RDH13: variants seen among roughly 807,000 people sequenced by gnomAD.
RDH13 encodes the protein retinol dehydrogenase 13, also known as retinol dehydrogenase 13 (all-trans and 9-cis).
RDH13 carries 35 observed loss-of-function variants against 28.3 expected under a neutral mutation model. That is an observed-to-expected ratio of 1.24 (90% CI 0.95 to 1.64). The LOEUF is 1.64. Ranked by LOEUF, RDH13 falls within the 40% of genes most tolerant of loss-of-function variation. The pLI, the probability that RDH13 is intolerant of heterozygous loss-of-function variation, is 0.00. For missense variants in RDH13, 514 were observed against 446.3 expected (o/e 1.15, Z -1.37); for synonymous variants, 229 against 198.5 (o/e 1.15, Z -1.29).
chr19:55,059,797 ATGT>A (rs572508434), intron 1 of RDH13, among the ~76,000 whole-genome samples: 20 of 152,316 alleles, frequency 1.3e-4, no homozygotes, highest in East Asian at 1.2e-3. Flanking sequence ...CTTTGCTGAG[ATGT>A]TGTTAATTTG....
chr19:55,052,265 G>C (rs539494361), intron 3 of RDH13, among the ~76,000 whole-genome samples: 1 of 151,828 alleles, frequency 6.6e-6, no homozygotes, highest in East Asian at 2.0e-4. Context: ...AAAAGTAGCC[G>C]GGCATGGTGG....
At chr19:55,048,861 G>A in intron 3 of RDH13, 98 bp from the exon 4 acceptor site, 1 of 1,090,826 alleles carries the variant, frequency 9.2e-7, no homozygotes, top group Non-Finnish European at 1.4e-6. Context: ...ACCTGTGAAT[G>A]TGGCCTGTGC....
upstream of RDH13, among the ~76,000 whole-genome samples, chr19:55,065,363 G>A (rs1032497112): frequency 6.6e-6 from 1 of 151,466 alleles, no homozygotes; most frequent in Non-Finnish European, 1.5e-5. Flanking sequence ...CAGGCTGGGT[G>A]ACAGAGCAAG....
intron 3 of RDH13, 41 bp from the exon 4 acceptor site, chr19:55,048,804 C>T: frequency 6.5e-7 from 1 of 1,536,658 alleles, no homozygotes; most frequent in Non-Finnish European, 9.0e-7. Context: ...CCGGTGAGGA[C>T]AGACCCCAGC....
At chr19:55,047,279 A>C (rs2075267143) in intron 6 of RDH13, 108 bp downstream of exon 6, 1 of 1,489,616 alleles carries the variant, frequency 6.7e-7, no homozygotes, top group Non-Finnish European at 8.9e-7. Context: ...GGCGAGGAGC[A>C]GGCATGAGGC....
Position 55,056,660 on chromosome 19 carries a change from G to C in RDH13, c.333C>G (p.Ile111Met). The C allele has an allele frequency of 6.2e-7, 1 of 1,613,912 alleles. No individual in the cohort carries two copies. Among genetic ancestry groups the C allele is most frequent in the Non-Finnish European group, 8.5e-7 (1 of 1,179,978 alleles). Residue 111 changes from isoleucine to methionine, a missense_variant, in exon 3 of 7, where the codon ATC (isoleucine) becomes ATG (methionine). Ile to Met is a conservative substitution (Grantham distance 10, BLOSUM62 1). Transcript: ENST00000415061. ...LKSIREFAAK[I>M]IEEEERVDIL... Reference sequence around the variant, plus strand: ...TGGCCAGCGTTCTCCTACCTTCAATGATCTTTGCTGCAAACTCTCGGATAG... The same window carrying C: ...TGGCCAGCGTTCTCCTACCTTCAATCATCTTTGCTGCAAACTCTCGGATAG...
chr19:55,051,421 GT>G (rs58069132), intron 3 of RDH13, among the ~76,000 whole-genome samples: 20,136 of 149,924 alleles, frequency 0.13, 1,632 homozygotes, highest in African/African-American at 0.21. Flanking sequence ...TTTTGTTTTG[GT>G]TTTTTTTCTT....
At chr19:55,055,280 G>C (rs1486421447) in intron 3 of RDH13, among the ~76,000 whole-genome samples, 2 of 152,002 alleles carry the variant, frequency 1.3e-5, no homozygotes, top group Admixed American at 1.3e-4. Context: ...AGCACCCTGA[G>C]TAGCTGAGAT....
At chr19:55,059,116 T>C in intron 2 of RDH13, 41 bp downstream of exon 2, 1 of 1,305,150 alleles carries the variant, frequency 7.7e-7, no homozygotes, top group Non-Finnish European at 1.1e-6. Context: ...AGCATGGATG[T>C]ACAGATATCT....
intron 3 of RDH13, among the ~76,000 whole-genome samples, chr19:55,052,200 C>T (rs866343632): frequency 1.3e-5 from 2 of 151,408 alleles, no homozygotes; most frequent in African/African-American, 4.8e-5. Context: ...GGGCAGATCA[C>T]CTGAGGTCAA....
chr19:55,047,870 G>T, intron 5 of RDH13: 1 of 485,196 alleles, frequency 2.1e-6, no homozygotes, highest in Non-Finnish European at 3.7e-6. Context: ...TCTCAGCACT[G>T]TGGATGCTGT....
rs1224969144 is a variant in RDH13, at chr19:55,045,365, G to GC, written c.761-57dup. 4.9e-6 allele frequency: 7 copies of GC among 1,418,182 alleles called. No individual in the cohort carries two copies. In the African/African-American group the frequency reaches 5.7e-5, roughly 12 times the overall value. The allele number at this position is 1,418,182 out of a possible 1,614,324, so 87.8% of individuals were successfully genotyped here. On this transcript the variant is annotated intron_variant, in intron 6 of 6. Transcript: ENST00000415061. Reference sequence around the variant, plus strand: ...CACTCGCTCAGAGAGAAGGAAGGAAGCCCCGCTCCCCGGTCAGGGAGCTCC... The same window carrying GC: ...CACTCGCTCAGAGAGAAGGAAGGAAGCCCCCGCTCCCCGGTCAGGGAGCTCC...
At chr19:55,048,811 C>A (rs889972137) in intron 3 of RDH13, 48 bp from the exon 4 acceptor site, 1 of 1,468,540 alleles carries the variant, frequency 6.8e-7, no homozygotes, top group African/African-American at 1.4e-5. Context: ...GGACAGACCC[C>A]AGCCTGATGC....
rs552863642 is a variant in RDH13 at position 55,049,816 on chromosome 19, C to T, written c.341-1053G>A. ...AAAAAAAAAAAAAAAATCACAGTCC[C>T]AGAGGCTGGAAGTCCCAGATCAAGG... On this transcript the variant is annotated intron_variant, in intron 3 of 6. Coordinates refer to ENST00000415061, the MANE Select transcript of RDH13 (RefSeq NM_001145971.2). Among the ~76,000 whole-genome samples, 20 of 151,700 alleles carry T rather than the reference C, an allele frequency of 1.3e-4. 1 individual carries two copies. The South Asian group carries it at 4.2e-3, about 32-fold the overall frequency.
intron 3 of RDH13, among the ~76,000 whole-genome samples, chr19:55,054,500 C>T (rs1285922416): frequency 6.6e-6 from 1 of 152,104 alleles, no homozygotes; most frequent in Non-Finnish European, 1.5e-5. Flanking sequence ...GCAGGAGAAT[C>T]GCTTGAACCC....
intron 3 of RDH13, among the ~76,000 whole-genome samples, chr19:55,049,627 T>G (rs997683075): frequency 1.3e-5 from 2 of 151,924 alleles, no homozygotes; most frequent in East Asian, 1.9e-4. Context: ...GCGTCTTTAC[T>G]AAAAATACAA....
chr19:55,053,632 G>T (rs1370557630), intron 3 of RDH13: 1 of 151,382 alleles, frequency 6.6e-6, no homozygotes, highest in Non-Finnish European at 1.5e-5. Context: ...CTCCAGCCTG[G>T]GCGACAAAGC....
chr19:55,043,939 C>T (rs111978505), downstream of RDH13, among the ~76,000 whole-genome samples: 47 of 141,830 alleles, frequency 3.3e-4, no homozygotes, highest in Non-Finnish European at 4.0e-4. Context: ...TTTTTTGAGA[C>T]GGAATCTTGC....
At position 55,048,942 on chromosome 19, in the gene RDH13, T is replaced by C. The variant is rs191435608; in HGVS notation, c.341-179A>G. Among the ~76,000 whole-genome samples, 479 of 152,166 alleles carry C rather than the reference T, an allele frequency of 3.1e-3. 2 individuals carry two copies. Among genetic ancestry groups the C allele is most frequent in the African/African-American group, 0.011 (460 of 41,490 alleles). ...TTAGGGTGAGCCCTAATCCAATGAC[T>C]GGTGTCCTTATAGGAAGGGAAAACA... On this transcript the variant is annotated intron_variant, in intron 3 of 6. Transcript: ENST00000415061.
Sources: allele counts gnomAD v4.1 joint callset (sites outside exome capture counted in the v4.1 genomes callset), GRCh38; gene constraint gnomAD v4.1.1; transcripts MANE v1.5; gene names NCBI Gene and HGNC (gene_info 2026-07-23, HGNC 2026-07-21).